DDX4: variants seen among roughly 807,000 people sequenced by gnomAD.
DDX4 encodes the protein DEAD-box helicase 4.
Under a neutral mutation model 100.0 loss-of-function variants are expected in DDX4, and 25 were observed. That is an observed-to-expected ratio of 0.25 (90% confidence interval 0.18 to 0.35). The LOEUF (loss-of-function observed/expected upper bound fraction) is 0.35, where lower values mean the gene tolerates loss of function less well. Ranked by LOEUF, DDX4 falls within the 10% of genes least tolerant of loss-of-function variation. The pLI is 1.00. For synonymous variants in DDX4, 259 were observed against 275.7 expected, an observed-to-expected ratio of 0.94 and a Z score of 0.60; for missense variants, 635 against 882.4, an observed-to-expected ratio of 0.72 and a Z score of 3.55.
intron 17 of DDX4, among the ~76,000 whole-genome samples, chr5:55,793,067 G>T (rs1337207119): frequency 0.056 from 8,122 of 145,866 alleles, 333 homozygotes; most frequent in East Asian, 0.17. Context: ...TGTGTGTGTT[G>T]TTGTTGTTGT....
At chr5:55,747,497 T>C (rs1251289166) in intron 3 of DDX4, among the ~76,000 whole-genome samples, 1 of 152,226 alleles carries the variant, frequency 6.6e-6, no homozygotes, top group Non-Finnish European at 1.5e-5. Flanking sequence ...CAGTGAACTA[T>C]GATGATGCCA....
intron 7 of DDX4, among the ~76,000 whole-genome samples, chr5:55,770,866 A>G (rs1327714289): frequency 1.3e-5 from 2 of 152,200 alleles, no homozygotes; most frequent in Non-Finnish European, 2.9e-5. Context: ...AACATAGCTC[A>G]TATTTGAAAT....
intron 3 of DDX4, among the ~76,000 whole-genome samples, chr5:55,747,995 GT>G (rs1300020803): frequency 6.6e-6 from 1 of 152,206 alleles, no homozygotes; most frequent in African/African-American, 2.4e-5. Flanking sequence ...TGGTGAGGTA[GT>G]TTCCAAAATG....
In DDX4 at chr5:55,748,053, T is replaced by C. The variant is rs182007619; in HGVS notation, c.127+1832T>C. 4.6e-5 allele frequency among the ~76,000 whole-genome samples: 7 copies of C among 152,334 alleles called. No individual in the cohort carries two copies. The East Asian group carries it at 1.3e-3, about 29-fold the overall frequency. On this transcript the variant is annotated intron_variant, in intron 3 of 21. Transcript: ENST00000505374. ...TTTATCAGGTTAAAGCAAATCTAAT[T>C]CTCATGAGCATCTTAAGTTCAGGGT...
At chr5:55,756,815 A>G (rs180740504) in intron 3 of DDX4, among the ~76,000 whole-genome samples, 58 of 152,246 alleles carry the variant, frequency 3.8e-4, no homozygotes, top group South Asian at 1.7e-3. Flanking sequence ...ATTTCATAGC[A>G]TTCAAGAAGA....
intron 2 of DDX4, among the ~76,000 whole-genome samples, chr5:55,743,835 TC>T (rs143638705): frequency 1.1e-3 from 163 of 152,256 alleles, no homozygotes; most frequent in African/African-American, 3.6e-3. Flanking sequence ...GATATTAAGT[TC>T]CATAGCTTGA....
chr5:55,738,114 C>T lies in DDX4; in HGVS notation c.-15+13C>T, dbSNP rs1758789476. 6.6e-6 allele frequency: 1 copy of T among 152,332 alleles called. No homozygotes were observed. Among genetic ancestry groups the T allele is most frequent in the Admixed American group, 6.5e-5 (1 of 15,288 alleles). 9.4% of individuals were successfully genotyped at this position (152,332 alleles called of 1,614,324 possible). A position where few individuals can be genotyped will look rare whatever the true frequency, so the allele number is the denominator to read the frequency against. On this transcript the variant is annotated intron_variant, in intron 1 of 21. Transcript: ENST00000505374. ...AAGCCGCGGAGAGGTGAGTGGGCCG[C>T]TTTTCTACGGGAACTGGCCTGAACT...
At chr5:55,779,463 A>T (rs1417074918) in intron 7 of DDX4, among the ~76,000 whole-genome samples, 1 of 152,150 alleles carries the variant, frequency 6.6e-6, no homozygotes, top group Non-Finnish European at 1.5e-5. Context: ...AGTCTGCTCT[A>T]TGTGCAATTA....
At chr5:55,747,869 T>C (rs6881537) in intron 3 of DDX4, among the ~76,000 whole-genome samples, 61,200 of 152,088 alleles carry the variant, frequency 0.4, 13,693 homozygotes, top group African/African-American at 0.58. Flanking sequence ...GGCCTGGTGG[T>C]ATCAGGTAGT....
rs1426590491 is a variant in DDX4 at position 55,771,556 on chromosome 5, A to G, written c.394+3616A>G. Among the ~76,000 whole-genome samples, 4 of 152,162 alleles carry G rather than the reference A, an allele frequency of 2.6e-5. 1 individual carries two copies. Among genetic ancestry groups the G allele is most frequent in the South Asian group, 4.1e-4 (2 of 4,826 alleles). ...GTGAAAGTGCTTCTGTAAACATTCT[A>G]GTATTCTTTTGGTTGTCATTAGTAC... is the stretch of plus-strand genomic sequence containing the variant. On this transcript the variant is annotated intron_variant, in intron 7 of 21. Transcript: ENST00000505374.
At chr5:55,790,800 GA>G in intron 16 of DDX4, 95 bp downstream of exon 16, 1 of 1,098,810 alleles carries the variant, frequency 9.1e-7, no homozygotes, top group Non-Finnish European at 1.4e-6. Flanking sequence ...GTATTTAGTA[GA>G]GCACTATTTA....
At chr5:55,738,501 G>GC (rs11404101) in intron 1 of DDX4, among the ~76,000 whole-genome samples, 2 of 103,010 alleles carry the variant, frequency 1.9e-5, no homozygotes, top group East Asian at 7.9e-4. Context: ...CCGTACCCCT[G>GC]TCCCCGCCCC....
intron 7 of DDX4, among the ~76,000 whole-genome samples, chr5:55,776,852 A>G (rs1045285709): frequency 1.3e-5 from 2 of 152,244 alleles, no homozygotes; most frequent in East Asian, 1.9e-4. Context: ...ACAGGTAAAC[A>G]TATTGGTAAA....
At chr5:55,793,807 T>A (rs1483430430) in intron 17 of DDX4, among the ~76,000 whole-genome samples, 1 of 152,248 alleles carries the variant, frequency 6.6e-6, no homozygotes, top group Non-Finnish European at 1.5e-5. Context: ...GAACTGTTTT[T>A]TCTGCAGACA....
chr5:55,754,027 C>A (rs1759754867), intron 3 of DDX4, among the ~76,000 whole-genome samples: 1 of 128,120 alleles, frequency 7.8e-6, no homozygotes, highest in African/African-American at 3.0e-5. Flanking sequence ...GATTTTGTAT[C>A]CTGAGACTTT....
intron 3 of DDX4, among the ~76,000 whole-genome samples, chr5:55,749,739 G>A (rs1163876146): frequency 1.3e-5 from 2 of 150,040 alleles, no homozygotes; most frequent in Non-Finnish European, 3.0e-5. Flanking sequence ...CAAGCTGTTT[G>A]TGGGAGGAAG....
chr5:55,784,596 A>G (rs990839606), intron 10 of DDX4, among the ~76,000 whole-genome samples: 1 of 152,200 alleles, frequency 6.6e-6, no homozygotes, highest in Non-Finnish European at 1.5e-5. Context: ...AGAGCAACTC[A>G]TTGTGTGTAA....
chr5:55,771,622 T>C (rs1334833658), intron 7 of DDX4, among the ~76,000 whole-genome samples: 1 of 152,184 alleles, frequency 6.6e-6, no homozygotes, highest in Non-Finnish European at 1.5e-5. Flanking sequence ...GCTATATATA[T>C]TTTTGGCTTT....
intron 10 of DDX4, chr5:55,782,332 C>T (rs1307624842): frequency 4.6e-5 from 9 of 195,182 alleles, no homozygotes; most frequent in Admixed American, 4.4e-4. Flanking sequence ...AGTCCGGGTG[C>T]GGTGGCTCAT....
Sources: gnomAD v4.1 joint callset for allele counts (sites outside exome capture counted in the v4.1 genomes callset) on GRCh38, gnomAD v4.1.1 for gene constraint, MANE v1.5 for transcripts, NCBI Gene and HGNC (gene_info 2026-07-23, HGNC 2026-07-21) for gene names.